The following TNR variants were observed in gnomAD, a reference collection of about 807,000 sequenced individuals.
TNR encodes tenascin R.
A neutral mutation model predicts 150.4 loss-of-function variants in TNR; 45 were observed. That is an observed-to-expected ratio of 0.30 (90% CI 0.24 to 0.38). The LOEUF is 0.38. TNR is among the 10% of genes least tolerant of loss of function. The pLI, the probability that TNR is intolerant of heterozygous loss-of-function variation, is 1.00. For synonymous variants in TNR, 687 were observed against 678.4 expected (o/e 1.01, Z -0.20); for missense variants, 1,544 against 1,759.1 (o/e 0.88, Z 2.19).
At chr1:175,323,613 G>A (rs762108397) in intron 22 of TNR, 137 bp from the exon 23 acceptor site, 294 of 1,246,626 alleles carry the variant, frequency 2.4e-4, no homozygotes, top group Non-Finnish European at 2.8e-4. Context: ...CTTCAAGGCC[G>A]AGTTCCCAAT....
intron 1 of TNR, among the ~76,000 whole-genome samples, chr1:175,648,630 G>A (rs1161655401): frequency 1.3e-5 from 2 of 152,024 alleles, no homozygotes; most frequent in African/African-American, 2.4e-5. Flanking sequence ...TTGCCTGTTC[G>A]GCTTTCCTTC....
intron 1 of TNR, among the ~76,000 whole-genome samples, chr1:175,600,697 A>G (rs578038205): frequency 6.6e-6 from 1 of 152,356 alleles, no homozygotes; most frequent in Admixed American, 6.5e-5. Flanking sequence ...TCCCTGGCGT[A>G]GTGCTATGTC....
chr1:175,330,969 G>A (rs1296830201), intron 20 of TNR, among the ~76,000 whole-genome samples: 1 of 151,854 alleles, frequency 6.6e-6, no homozygotes, highest in Non-Finnish European at 1.5e-5. Flanking sequence ...AAGTCCCCAG[G>A]TTAGGCAGAG....
At chr1:175,552,725 C>T (rs1398041557) in intron 1 of TNR, among the ~76,000 whole-genome samples, 3 of 152,198 alleles carry the variant, frequency 2.0e-5, no homozygotes, top group African/African-American at 7.2e-5. Context: ...TATTCTTTAT[C>T]TCCCCTGTCT....
chr1:175,438,616 A>G (rs750380380), intron 2 of TNR, among the ~76,000 whole-genome samples: 19 of 152,216 alleles, frequency 1.2e-4, no homozygotes, highest in Non-Finnish European at 2.6e-4. Flanking sequence ...ACATGATTGT[A>G]TATCTAGAAA....
intron 2 of TNR, among the ~76,000 whole-genome samples, chr1:175,466,616 A>G (rs1184683607): frequency 1.3e-5 from 2 of 151,328 alleles, no homozygotes; most frequent in Admixed American, 1.3e-4. Context: ...CCAGCTCCCT[A>G]TCTGGGGACT....
chr1:175,470,819 T>C (rs182666692), intron 2 of TNR, among the ~76,000 whole-genome samples: 3 of 152,346 alleles, frequency 2.0e-5, no homozygotes, highest in Non-Finnish European at 2.9e-5. Context: ...CTCTATTAGC[T>C]TGTGGACTCC....
chr1:175,415,171 C>A (rs1271221581), intron 2 of TNR, among the ~76,000 whole-genome samples: 1 of 139,602 alleles, frequency 7.2e-6, no homozygotes, highest in Non-Finnish European at 1.6e-5. Context: ...TGTTAGAATT[C>A]GTTTAAAAAT....
At chr1:175,416,631 G>T (rs1325341947) in intron 2 of TNR, among the ~76,000 whole-genome samples, 1 of 152,160 alleles carries the variant, frequency 6.6e-6, no homozygotes, top group African/African-American at 2.4e-5. Context: ...TTGCAAGAAA[G>T]TTTGCCAGCC....
chr1:175,588,611 G>A (rs1358000936), intron 1 of TNR, among the ~76,000 whole-genome samples: 1 of 151,660 alleles, frequency 6.6e-6, no homozygotes, highest in African/African-American at 2.4e-5. Flanking sequence ...AATCAAACAC[G>A]GGCTGCTCTG....
At chr1:175,449,342 G>T (rs1656204676) in intron 2 of TNR, among the ~76,000 whole-genome samples, 2 of 152,070 alleles carry the variant, frequency 1.3e-5, no homozygotes, top group African/African-American at 4.8e-5. Context: ...ACACACACTT[G>T]CCCACAGAAA....
intron 2 of TNR, among the ~76,000 whole-genome samples, chr1:175,463,201 G>A (rs1656892413): frequency 6.6e-6 from 1 of 151,998 alleles, no homozygotes; most frequent in Non-Finnish European, 1.5e-5. Flanking sequence ...CTTTACATAG[G>A]GCCTCATTAG....
Position 175,366,152 on chromosome 1 carries a change from T to A in TNR, c.2054-14A>T. ...GACTGTCAAGTTCTGTGGATTGACA[T>A]AAATGGCCTATTTTACATGTGTTCC... On this transcript the variant is annotated splice_polypyrimidine_tract_variant and intron_variant, in intron 10 of 22. Transcript: ENST00000367674. The A allele has an allele frequency of 6.3e-7, 1 of 1,577,140 alleles. No homozygotes were observed. Among genetic ancestry groups the A allele is most frequent in the Non-Finnish European group, 8.6e-7 (1 of 1,160,880 alleles).
At chr1:175,696,333 T>C (rs1260411444) in intron 1 of TNR, among the ~76,000 whole-genome samples, 1 of 150,888 alleles carries the variant, frequency 6.6e-6, no homozygotes, top group African/African-American at 2.4e-5. Flanking sequence ...CCATTCCTCC[T>C]TTTTACAGCT....
At chr1:175,477,152 T>C (rs1434303419) in intron 2 of TNR, among the ~76,000 whole-genome samples, 2 of 152,170 alleles carry the variant, frequency 1.3e-5, no homozygotes, top group Non-Finnish European at 2.9e-5. Flanking sequence ...GAAAGCACCA[T>C]ACAGATTTGA....
At chr1:175,464,615 G>A (rs1010838705) in intron 2 of TNR, among the ~76,000 whole-genome samples, 2 of 152,138 alleles carry the variant, frequency 1.3e-5, no homozygotes, top group East Asian at 3.9e-4. Context: ...CTGAGCAAAG[G>A]TTATGAACAG....
chr1:175,326,930 T>C (rs1424385317), intron 21 of TNR, among the ~76,000 whole-genome samples: 2 of 152,126 alleles, frequency 1.3e-5, no homozygotes, highest in East Asian at 3.9e-4. Flanking sequence ...CCTCCCAAAG[T>C]GCTGGGATTA....
intron 18 of TNR, among the ~76,000 whole-genome samples, chr1:175,352,672 G>T (rs1178974705): frequency 6.6e-6 from 1 of 152,078 alleles, no homozygotes; most frequent in Non-Finnish European, 1.5e-5. Context: ...GATACATCTT[G>T]GATTCATGTC....
At chr1:175,566,805 T>A (rs1465401631) in intron 1 of TNR, among the ~76,000 whole-genome samples, 1 of 152,226 alleles carries the variant, frequency 6.6e-6, no homozygotes, top group East Asian at 1.9e-4. Context: ...CTCACTTGAA[T>A]ATCATAAGTC....
Sources: gnomAD v4.1 joint callset for allele counts (sites outside exome capture counted in the v4.1 genomes callset) on GRCh38, gnomAD v4.1.1 for gene constraint, MANE v1.5 for transcripts, NCBI Gene and HGNC (gene_info 2026-07-23, HGNC 2026-07-21) for gene names.